GPC6: variants seen among roughly 807,000 people sequenced by gnomAD.
GPC6 encodes the protein glypican-6.
In GPC6, 14 loss-of-function variants were observed where a neutral mutation model predicts 55.2. That is an observed-to-expected ratio of 0.25 (90% CI 0.17 to 0.40). The LOEUF (loss-of-function observed/expected upper bound fraction) is 0.40. GPC6 is among the 10% of genes least tolerant of loss of function. GPC6 has a pLI of 1.00. For synonymous variants in GPC6, 278 were observed against 259.6 expected (o/e 1.07, Z -0.68); for missense variants, 641 against 708.5 (o/e 0.90, Z 1.08).
chr13:93,475,728 C>T (rs4400922), intron 1 of GPC6, among the ~76,000 whole-genome samples: 4,811 of 152,200 alleles, frequency 0.032, 257 homozygotes, highest in African/African-American at 0.11. Flanking sequence ...TAATATAAAA[C>T]GCCAGAAATG....
At chr13:93,731,697 A>C (rs1355825688) in intron 2 of GPC6, among the ~76,000 whole-genome samples, 1 of 152,116 alleles carries the variant, frequency 6.6e-6, no homozygotes, top group African/African-American at 2.4e-5. Context: ...TCTAGATATG[A>C]GTGGATTATA....
chr13:94,349,068 G>C (rs1472417114), intron 6 of GPC6, among the ~76,000 whole-genome samples: 1 of 152,158 alleles, frequency 6.6e-6, no homozygotes, highest in Admixed American at 6.5e-5. Context: ...GTGTTTTCAT[G>C]ATGCTTGTCT....
At chr13:94,221,213 C>G (rs969751416) in intron 4 of GPC6, among the ~76,000 whole-genome samples, 2 of 152,028 alleles carry the variant, frequency 1.3e-5, no homozygotes, top group Non-Finnish European at 2.9e-5. Context: ...ATGACTTGCC[C>G]TGATGAGTGG....
At chr13:94,380,460 CT>C (rs1433143759) in intron 6 of GPC6, among the ~76,000 whole-genome samples, 1 of 152,062 alleles carries the variant, frequency 6.6e-6, no homozygotes, top group Non-Finnish European at 1.5e-5. Context: ...TCAAACTTAA[CT>C]GAAAATTGCA....
chr13:93,529,428 A>G (rs925473372), intron 1 of GPC6, among the ~76,000 whole-genome samples: 2 of 150,022 alleles, frequency 1.3e-5, no homozygotes, highest in African/African-American at 2.4e-5. Context: ...GTCCAGGATT[A>G]TGTGGTCTTA....
chr13:94,218,189 C>A (rs1011046441), intron 4 of GPC6, among the ~76,000 whole-genome samples: 1 of 152,050 alleles, frequency 6.6e-6, no homozygotes, highest in Non-Finnish European at 1.5e-5. Flanking sequence ...ATCAAGCAAC[C>A]CTTCTGACTA....
At chr13:94,163,347 C>A (rs1888235357) in intron 4 of GPC6, among the ~76,000 whole-genome samples, 1 of 151,666 alleles carries the variant, frequency 6.6e-6, no homozygotes, top group Admixed American at 6.6e-5. Context: ...CCTCCACCTC[C>A]CTTGACTCCC....
At chr13:93,908,068 A>G (rs925370518) in intron 3 of GPC6, among the ~76,000 whole-genome samples, 3 of 152,178 alleles carry the variant, frequency 2.0e-5, no homozygotes, top group African/African-American at 7.2e-5. Flanking sequence ...AGAATGAAAA[A>G]TATAAATTAA....
At chr13:94,215,349 T>C (rs1890195565) in intron 4 of GPC6, among the ~76,000 whole-genome samples, 1 of 152,202 alleles carries the variant, frequency 6.6e-6, no homozygotes, top group African/African-American at 2.4e-5. Context: ...TGTCATGGGC[T>C]TTATCTGTCC....
chr13:93,271,329 T>C (rs1877516453), intron 1 of GPC6, among the ~76,000 whole-genome samples: 1 of 152,156 alleles, frequency 6.6e-6, no homozygotes, highest in African/African-American at 2.4e-5. Context: ...TCTATTTGTC[T>C]CCCTGTGCTG....
At chr13:94,288,499 A>G (rs914493874) in intron 5 of GPC6, among the ~76,000 whole-genome samples, 2 of 151,604 alleles carry the variant, frequency 1.3e-5, no homozygotes, top group Non-Finnish European at 2.9e-5. Flanking sequence ...AACTCCTGCA[A>G]GCTCTTGCAT....
At chr13:94,055,431 G>T (rs1014325534) in intron 4 of GPC6, among the ~76,000 whole-genome samples, 1 of 151,840 alleles carries the variant, frequency 6.6e-6, no homozygotes, top group Non-Finnish European at 1.5e-5. Flanking sequence ...CTACAGAAAG[G>T]ACAACAAATT....
intron 4 of GPC6, among the ~76,000 whole-genome samples, chr13:94,083,748 T>C (rs903245934): frequency 6.6e-6 from 1 of 152,188 alleles, no homozygotes; most frequent in African/African-American, 2.4e-5. Flanking sequence ...TAAACACTTA[T>C]GTGACAGCTT....
intron 2 of GPC6, among the ~76,000 whole-genome samples, chr13:93,640,332 C>A (rs1256510484): frequency 1.3e-5 from 2 of 152,078 alleles, no homozygotes; most frequent in Non-Finnish European, 2.9e-5. Context: ...TGCGTGCTTA[C>A]TATATGCCAA....
chr13:94,124,596 G>T (rs1327870697), intron 4 of GPC6, among the ~76,000 whole-genome samples: 1 of 152,034 alleles, frequency 6.6e-6, no homozygotes, highest in Non-Finnish European at 1.5e-5. Context: ...AGGAGGTATA[G>T]AGTAAAAGGG....
chr13:93,624,432 A>G (rs771304973), intron 2 of GPC6, among the ~76,000 whole-genome samples: 6 of 152,214 alleles, frequency 3.9e-5, no homozygotes, highest in Non-Finnish European at 5.9e-5. Flanking sequence ...ATACGTCTCA[A>G]TTTCAATCTG....
intron 2 of GPC6, among the ~76,000 whole-genome samples, chr13:93,570,330 A>G (rs1876340877): frequency 6.6e-6 from 1 of 152,142 alleles, no homozygotes; most frequent in African/African-American, 2.4e-5. Flanking sequence ...TTACTTATTT[A>G]TTCCTTTGTT....
At chr13:93,775,179 A>T (rs1263817333) in intron 2 of GPC6, among the ~76,000 whole-genome samples, 1 of 152,004 alleles carries the variant, frequency 6.6e-6, no homozygotes. Context: ...TTTTCTTTTT[A>T]TTGCTTCAAG....
At chr13:93,333,644 A>C (rs1283722114) in intron 1 of GPC6, among the ~76,000 whole-genome samples, 1 of 146,718 alleles carries the variant, frequency 6.8e-6, no homozygotes, top group Non-Finnish European at 1.5e-5. Flanking sequence ...TGATCCTCCC[A>C]CCTCAGCCTC....
Sources: gnomAD v4.1 joint callset for allele counts (sites outside exome capture counted in the v4.1 genomes callset) on GRCh38, gnomAD v4.1.1 for gene constraint, MANE v1.5 for transcripts, NCBI Gene and HGNC (gene_info 2026-07-23, HGNC 2026-07-21) for gene names.